The following ARMC12 variants were observed in gnomAD, a reference collection of about 807,000 sequenced individuals.
The protein encoded by ARMC12 is armadillo repeat-containing protein 12.
In ARMC12, 25 loss-of-function variants were observed where a neutral mutation model predicts 37.4. The observed-to-expected ratio is 0.67, with a 90% CI of 0.49 to 0.93. ARMC12 has a LOEUF of 0.93. ARMC12 is among the 40% of genes least tolerant of loss of function. The pLI, the probability that ARMC12 is intolerant of heterozygous loss-of-function variation, is 0.00. For missense variants in ARMC12, 384 were observed against 426.6 expected (o/e 0.90, Z 0.88); for synonymous variants, 167 against 176.1 (o/e 0.95, Z 0.41).
At chr6:35,736,801 G>A (rs1276962078), upstream of ARMC12, 2 of 374,698 alleles carry the variant, frequency 5.3e-6, no homozygotes, top group East Asian at 1.1e-4. Context: ...ATAGAGACAA[G>A]GTTTCACCAT....
chr6:35,732,260 G>A (rs1766852205), upstream of ARMC12, among the ~76,000 whole-genome samples: 1 of 152,220 alleles, frequency 6.6e-6, no homozygotes, highest in Admixed American at 6.5e-5. Flanking sequence ...CTCGGAGAGT[G>A]TGGGATCCAC....
intron 1 of ARMC12, among the ~76,000 whole-genome samples, chr6:35,737,638 T>C (rs1186989326): frequency 6.6e-6 from 1 of 152,226 alleles, no homozygotes; most frequent in Non-Finnish European, 1.5e-5. Context: ...ACTTACTATA[T>C]GCCCAGAGCT....
chr6:35,732,386 C>T (rs1194386734), upstream of ARMC12, among the ~76,000 whole-genome samples: 4 of 152,342 alleles, frequency 2.6e-5, no homozygotes, highest in African/African-American at 9.6e-5. Context: ...GTCCTGACAG[C>T]GGCACTTCCA....
intron 1 of ARMC12, chr6:35,737,492 C>A: frequency 7.4e-7 from 1 of 1,343,762 alleles, no homozygotes; most frequent in Non-Finnish European, 1.0e-6. Flanking sequence ...TCCTCAGACT[C>A]ATCTGGCAGG....
At chr6:35,732,176 G>C (rs1487718741), upstream of ARMC12, among the ~76,000 whole-genome samples, 2 of 152,164 alleles carry the variant, frequency 1.3e-5, no homozygotes, top group African/African-American at 4.8e-5. Context: ...TGCTCCCCGC[G>C]CCTTAGGCTG....
chr6:35,738,634 C>T, intron 3 of ARMC12, 116 bp downstream of exon 3: 1 of 1,398,090 alleles, frequency 7.2e-7, no homozygotes, highest in African/African-American at 1.4e-5. Context: ...AATTTGTAAC[C>T]CAGAAATAAG....
rs1416773873 is a variant in ARMC12 at position 35,738,134 on chromosome 6, C to T, written c.271C>T (p.His91Tyr). The T allele has an allele frequency of 1.9e-6, 3 of 1,613,950 alleles. No homozygotes were observed. Among genetic ancestry groups the T allele is most frequent in the Non-Finnish European group, 2.5e-6 (3 of 1,180,024 alleles). ...QDEYAKSMIL[H>Y]SITRCVYLLE... ...TGAGTATGCCAAGAGCATGATCCTG[C>T]ACAGTATCACTCGCTGTGTGTACTT... The change falls in exon 2 of 6, where the codon CAC becomes TAC. Residue 91 changes from histidine (H) to tyrosine (Y), a missense_variant. His to Tyr is a moderately conservative substitution (Grantham distance 83). Coordinates refer to ENST00000373866, the MANE Select transcript of ARMC12 (RefSeq NM_001286574.2).
upstream of ARMC12, among the ~76,000 whole-genome samples, chr6:35,736,218 T>C (rs1766956774): frequency 6.6e-6 from 1 of 152,266 alleles, no homozygotes; most frequent in Non-Finnish European, 1.5e-5. Context: ...ATGCAGATGC[T>C]GGAAAAGGGT....
chr6:35,743,447 A>G (rs1025306854), intron 3 of ARMC12, among the ~76,000 whole-genome samples: 11 of 152,136 alleles, frequency 7.2e-5, no homozygotes, highest in African/African-American at 2.2e-4. Flanking sequence ...TGAACTCCCA[A>G]GCTCAGGTGA....
In ARMC12 at chr6:35,737,654, T is replaced by C. The variant is rs529369129; in HGVS notation, c.164-373T>C. 3.3e-5 allele frequency among the ~76,000 whole-genome samples: 5 copies of C among 152,350 alleles called. No individual in the cohort carries two copies. The South Asian group carries it at 1.0e-3, about 32-fold the overall frequency. Reference sequence around the variant, plus strand: ...CTTACTATATGCCCAGAGCTTCCACTAGTCCACATGTTCTTTTGTGCAGAG... The same window carrying C: ...CTTACTATATGCCCAGAGCTTCCACCAGTCCACATGTTCTTTTGTGCAGAG... On this transcript the variant is annotated intron_variant, in intron 1 of 5. Coordinates refer to ENST00000373866, the MANE Select transcript of ARMC12 (RefSeq NM_001286574.2).
chr6:35,743,414 C>G (rs1320199616), intron 3 of ARMC12, among the ~76,000 whole-genome samples: 1 of 152,148 alleles, frequency 6.6e-6, no homozygotes, highest in Non-Finnish European at 1.5e-5. Context: ...GATGGGGTTT[C>G]TCCATGTTGG....
At chr6:35,736,939 C>A, upstream of ARMC12, 1 of 1,032,152 alleles carries the variant, frequency 9.7e-7, no homozygotes, top group Non-Finnish European at 1.4e-6. Flanking sequence ...CCTGGCTGCC[C>A]CATTTCCTGA....
chr6:35,731,969 GGGAGCGAAGAGAAAGTGAGAGCGGGGGC>G, the ARMC12 span, among the ~76,000 whole-genome samples: 3 of 152,186 alleles, frequency 2.0e-5, no homozygotes, highest in African/African-American at 7.2e-5. Flanking sequence ...AGTGGGGGAG[GGGAGCGAAGAGAAAGTGAGAGCGGGGGC>G]GGAGCGGGGA....
intron 3 of ARMC12, among the ~76,000 whole-genome samples, chr6:35,743,963 A>C (rs187478947): frequency 1.5e-3 from 231 of 152,052 alleles, no homozygotes; most frequent in African/African-American, 5.3e-3. Flanking sequence ...AAAAAAGAAA[A>C]AAGAAAAAGA....
rs371681683 is a variant in ARMC12 at position 35,747,608 on chromosome 6, A to G, written c.651A>G (p.Ala217=). Residue 217 remains alanine, a synonymous_variant, in exon 5 of 6, where the codon GCA becomes GCG. Coordinates refer to ENST00000373866, the MANE Select transcript of ARMC12 (RefSeq NM_001286574.2). The part of the protein sequence containing the change: ...VQAVRLLSYL[A]QKNDLLYDIL... ...CCGTACGACTGCTGAGCTACCTGGC[A>G]CAGAAGAATGACCTTCTCTATGACA... 1.9e-6 allele frequency: 3 copies of G among 1,614,116 alleles called. No homozygotes were observed. The African/African-American group carries it at 4.0e-5, about 22-fold the overall frequency.
upstream of ARMC12, among the ~76,000 whole-genome samples, chr6:35,733,138 C>T (rs1003795891): frequency 5.3e-5 from 8 of 152,140 alleles, no homozygotes; most frequent in African/African-American, 1.7e-4. Context: ...CGCCACTGCA[C>T]TCCAGCCCGG....
chr6:35,731,923 A>G, the ARMC12 span, among the ~76,000 whole-genome samples: 18 of 152,066 alleles, frequency 1.2e-4, no homozygotes, highest in African/African-American at 3.4e-4. Context: ...CGGGAGAGAA[A>G]GAGTTAAACT....
chr6:35,737,006 C>A, upstream of ARMC12: 1 of 1,524,456 alleles, frequency 6.6e-7, no homozygotes, highest in Non-Finnish European at 8.8e-7. Context: ...GGTTCCAATT[C>A]TGGTACCCTG....
At position 35,737,406 on chromosome 6, in the gene ARMC12, A is replaced by G. The variant is rs563718827; in HGVS notation, c.163+135A>G. On this transcript the variant is annotated intron_variant, in intron 1 of 5. Transcript: ENST00000373866. ...GTCTTTCTCTTGTCCATCTTCCTCA[A>G]GCCCACCCTGCAGCGTCCTAGGCAA... is the stretch of plus-strand genomic sequence containing the variant. The G allele has an allele frequency of 1.3e-5, 21 of 1,606,560 alleles. No homozygotes were observed. In the East Asian group the frequency reaches 4.5e-4, roughly 34 times the overall value.
Sources: allele counts gnomAD v4.1 joint callset (sites outside exome capture counted in the v4.1 genomes callset), GRCh38; gene constraint gnomAD v4.1.1; transcripts MANE v1.5; gene names NCBI Gene and HGNC (gene_info 2026-07-23, HGNC 2026-07-21).